GPHN: variants seen among roughly 807,000 people sequenced by gnomAD.
GPHN encodes gephyrin.
GPHN carries 17 observed loss-of-function variants against 95.5 expected under a neutral mutation model. The ratio of observed to expected loss-of-function variants is 0.18; its 90% CI spans 0.12 to 0.27. GPHN has a LOEUF of 0.27. Ranked by LOEUF, GPHN falls within the 10% of genes least tolerant of loss-of-function variation. The pLI is 1.00. For synonymous variants in GPHN, 320 were observed against 322.5 expected (o/e 0.99, Z 0.08); for missense variants, 660 against 978.1 (o/e 0.67, Z 4.34).
intron 2 of GPHN, among the ~76,000 whole-genome samples, chr14:66,702,514 G>A (rs180679062): frequency 1.2e-4 from 18 of 152,164 alleles, no homozygotes; most frequent in African/African-American, 3.9e-4. Context: ...AAATGAATAG[G>A]GCCTGAAGTG....
At chr14:67,473,034 C>A in the GPHN span, 3 of 229,554 alleles carry the variant, frequency 1.3e-5, no homozygotes, top group Non-Finnish European at 8.6e-6. This position sits in a 1 kb window ranked among gnomAD's most constrained non-coding sequence, Gnocchi z 6.5. Context: ...AAATCCAGAT[C>A]GGAGGGAGGG....
chr14:66,709,609 C>G (rs191704968), intron 2 of GPHN, among the ~76,000 whole-genome samples: 36 of 152,242 alleles, frequency 2.4e-4, no homozygotes, highest in African/African-American at 7.0e-4. Context: ...TTATTTATGT[C>G]TGGAAGTCTT....
chr14:67,260,015 C>T, the GPHN span, among the ~76,000 whole-genome samples: 3 of 152,088 alleles, frequency 2.0e-5, no homozygotes, highest in Non-Finnish European at 2.9e-5. Context: ...ACATTGTCCC[C>T]AGGAGAGAGA....
the GPHN span, among the ~76,000 whole-genome samples, chr14:67,522,641 A>G: frequency 1.3e-5 from 2 of 152,234 alleles, no homozygotes; most frequent in African/African-American, 4.8e-5. Context: ...GTATCACAGC[A>G]TTCTCATCCA....
At chr14:66,932,684 C>T (rs759797817) in intron 8 of GPHN, among the ~76,000 whole-genome samples, 1 of 151,126 alleles carries the variant, frequency 6.6e-6, no homozygotes, top group African/African-American at 2.4e-5. Flanking sequence ...GGGCAGCTAC[C>T]GCTTGGCTGC....
the GPHN span, among the ~76,000 whole-genome samples, chr14:67,403,938 G>A: frequency 6.6e-6 from 1 of 152,110 alleles, no homozygotes. Context: ...TGTAGTCTCA[G>A]CCAACTCAAG....
the GPHN span, among the ~76,000 whole-genome samples, chr14:67,485,978 G>A: frequency 6.6e-6 from 1 of 152,348 alleles, no homozygotes; most frequent in Non-Finnish European, 1.5e-5. Context: ...TAGACCAGCA[G>A]CACATGCATT....
At chr14:67,333,536 T>C in the GPHN span, 3 of 152,692 alleles carry the variant, frequency 2.0e-5, no homozygotes, top group Non-Finnish European at 2.9e-5. Flanking sequence ...AATTCATTTA[T>C]ATGTCTTTTG....
the GPHN span, among the ~76,000 whole-genome samples, chr14:67,469,753 C>T: frequency 1.3e-5 from 2 of 152,180 alleles, no homozygotes; most frequent in African/African-American, 4.8e-5. Flanking sequence ...TCCAACAAAA[C>T]AGGGCTGCCA....
chr14:67,559,417 G>C, the GPHN span, among the ~76,000 whole-genome samples: 2 of 152,094 alleles, frequency 1.3e-5, no homozygotes, highest in Non-Finnish European at 2.9e-5. Flanking sequence ...TGAACACTTA[G>C]ACTATTTCCA....
the GPHN span, chr14:67,578,564 CT>C: frequency 1.9e-6 from 3 of 1,611,672 alleles, no homozygotes; most frequent in Non-Finnish European, 2.5e-6. The surrounding 1 kb of genome is among the most constrained non-coding windows in gnomAD (Gnocchi z 5.0). Flanking sequence ...GTGTGCTCCA[CT>C]TTTCCTGCCT....
the GPHN span, among the ~76,000 whole-genome samples, chr14:67,486,707 C>A: frequency 6.6e-6 from 1 of 152,200 alleles, no homozygotes; most frequent in Non-Finnish European, 1.5e-5. Context: ...GTGGAATTAA[C>A]CCTCTTTTTC....
the GPHN span, among the ~76,000 whole-genome samples, chr14:67,503,904 A>AT: frequency 6.6e-6 from 1 of 151,560 alleles, no homozygotes; most frequent in African/African-American, 2.4e-5. Context: ...GGGTTTCACC[A>AT]TGTTGGCCAG....
At chr14:66,949,993 GAAAAAAAAAAAAA>G (rs71129809) in intron 8 of GPHN, among the ~76,000 whole-genome samples, 5 of 57,814 alleles carry the variant, frequency 8.6e-5, no homozygotes, top group East Asian at 6.7e-4. Flanking sequence ...TTTAGGACAG[GAAAAAAAAAAAAA>G]AAAAAAAAAA....
At chr14:67,527,521 G>T in the GPHN span, among the ~76,000 whole-genome samples, 2 of 152,184 alleles carry the variant, frequency 1.3e-5, no homozygotes, top group Non-Finnish European at 2.9e-5. Flanking sequence ...TAAATGTTTC[G>T]ATTTTTAATT....
chr14:66,648,553 A>C (rs1191929751), intron 1 of GPHN, among the ~76,000 whole-genome samples: 1 of 152,154 alleles, frequency 6.6e-6, no homozygotes, highest in Non-Finnish European at 1.5e-5. Flanking sequence ...AGCTGCCTAC[A>C]GTAACATCTT....
intron 1 of GPHN, among the ~76,000 whole-genome samples, chr14:66,560,198 G>T (rs2060176321): frequency 6.6e-6 from 1 of 151,994 alleles, no homozygotes; most frequent in Admixed American, 6.6e-5. Flanking sequence ...TGTTCTTTTG[G>T]CTTAGGATTG....
At chr14:67,466,609 A>C in the GPHN span, among the ~76,000 whole-genome samples, 1,256 of 152,298 alleles carry the variant, frequency 8.2e-3, 9 homozygotes, top group African/African-American at 0.028. Context: ...GAGTTTCTTA[A>C]AGCACTCACT....
At chr14:66,775,599 A>G (rs1272748948) in intron 2 of GPHN, among the ~76,000 whole-genome samples, 2 of 152,178 alleles carry the variant, frequency 1.3e-5, no homozygotes, top group South Asian at 2.1e-4. Context: ...ACACTTTTGT[A>G]CATCTCAACT....
Sources: allele counts gnomAD v4.1 joint callset (sites outside exome capture counted in the v4.1 genomes callset), GRCh38; gene constraint gnomAD v4.1.1; non-coding constraint Gnocchi (gnomAD v3.1); transcripts MANE v1.5; gene names NCBI Gene and HGNC (gene_info 2026-07-23, HGNC 2026-07-21).